Variants in TPRG1 observed in about 807,000 individuals in gnomAD.
The protein encoded by TPRG1 is tumor protein p63-regulated gene 1 protein.
In TPRG1, 29 loss-of-function variants were observed where a neutral mutation model predicts 29.3. The ratio of observed to expected loss-of-function variants is 0.99; its 90% confidence interval spans 0.74 to 1.35. TPRG1 has a LOEUF of 1.35. Among genes scored for constraint, TPRG1 ranks in the 40% most tolerant of loss-of-function variants. The probability of loss-of-function intolerance (pLI) is 0.00; values close to 1 mark genes in which losing one functional copy is unlikely to be tolerated. For synonymous variants in TPRG1, 130 were observed against 116.8 expected (o/e 1.11, Z -0.73); for missense variants, 327 against 335.0 (o/e 0.98, Z 0.19).
intron 4 of TPRG1, among the ~76,000 whole-genome samples, chr3:189,090,239 C>T (rs1347251748): frequency 6.6e-6 from 1 of 152,008 alleles, no homozygotes; most frequent in African/African-American, 2.4e-5. Context: ...ATTTTGACCA[C>T]AATTATTATT....
At chr3:189,052,985 A>G (rs1024300611) in intron 4 of TPRG1, among the ~76,000 whole-genome samples, 1 of 152,174 alleles carries the variant, frequency 6.6e-6, no homozygotes, top group Non-Finnish European at 1.5e-5. Context: ...GGTGCAGTGT[A>G]TACTGCTTGG....
chr3:189,008,428 A>G (rs1032082621), intron 3 of TPRG1, among the ~76,000 whole-genome samples: 3 of 152,184 alleles, frequency 2.0e-5, no homozygotes, highest in Non-Finnish European at 4.4e-5. Flanking sequence ...AGTGATTATT[A>G]TAGCTTTACA....
intron 2 of TPRG1, among the ~76,000 whole-genome samples, chr3:189,212,515 G>T (rs960958204): frequency 6.6e-6 from 1 of 152,028 alleles, no homozygotes; most frequent in East Asian, 1.9e-4. Flanking sequence ...TGGGCAAAAG[G>T]TTTCTTGACT....
intron 4 of TPRG1, among the ~76,000 whole-genome samples, chr3:189,263,975 C>T (rs1393176921): frequency 6.6e-6 from 1 of 152,154 alleles, no homozygotes; most frequent in Non-Finnish European, 1.5e-5. Flanking sequence ...CTTTTTAGCT[C>T]ATTAGCTCTG....
chr3:189,155,683 G>T (rs997884939), intron 5 of TPRG1, among the ~76,000 whole-genome samples: 1 of 152,212 alleles, frequency 6.6e-6, no homozygotes, highest in African/African-American at 2.4e-5. Flanking sequence ...TGTCATTTGT[G>T]ACAACATAGA....
intron 2 of TPRG1, chr3:189,004,426 C>T (rs1416645701): frequency 6.6e-6 from 1 of 152,142 alleles, no homozygotes; most frequent in Non-Finnish European, 1.5e-5. Flanking sequence ...CCCCTGTTTA[C>T]ATGATGGATA....
intron 1 of TPRG1, among the ~76,000 whole-genome samples, chr3:189,177,559 GAAATC>G (rs1225498497): frequency 4.0e-5 from 6 of 151,562 alleles, no homozygotes; most frequent in Non-Finnish European, 5.9e-5. Context: ...TCACAGCAAT[GAAATC>G]AAATGAGGTA....
chr3:189,267,669 G>A (rs1714352428), intron 4 of TPRG1: 1 of 152,220 alleles, frequency 6.6e-6, no homozygotes, highest in South Asian at 2.1e-4. Context: ...TGGGTGACTG[G>A]AAAATAGAGA....
chr3:189,245,869 G>A (rs894320710), intron 4 of TPRG1, among the ~76,000 whole-genome samples: 2 of 151,900 alleles, frequency 1.3e-5, no homozygotes, highest in African/African-American at 2.4e-5. Context: ...ATTTATGATT[G>A]GTGTCTTTCT....
At chr3:189,139,749 T>C (rs1193422188) in intron 3 of TPRG1, among the ~76,000 whole-genome samples, 1 of 151,844 alleles carries the variant, frequency 6.6e-6, no homozygotes, top group South Asian at 2.1e-4. Context: ...GGCATCTGTG[T>C]GCAGTGAACT....
At chr3:189,199,344 T>A (rs892547581) in intron 1 of TPRG1, among the ~76,000 whole-genome samples, 1 of 152,220 alleles carries the variant, frequency 6.6e-6, no homozygotes, top group Non-Finnish European at 1.5e-5. Flanking sequence ...TTCTGGACAC[T>A]GAAGAAAAAT....
chr3:189,146,908 C>T (rs1725336156), intron 3 of TPRG1, among the ~76,000 whole-genome samples: 1 of 152,166 alleles, frequency 6.6e-6, no homozygotes, highest in Non-Finnish European at 1.5e-5. Context: ...TCTGCAAATG[C>T]TAATGCTATT....
intron 3 of TPRG1, among the ~76,000 whole-genome samples, chr3:189,019,297 C>T (rs1283370613): frequency 1.3e-5 from 2 of 152,046 alleles, no homozygotes; most frequent in Admixed American, 6.6e-5. Flanking sequence ...AGAGGGCATC[C>T]CTGTCTTGTG....
chr3:189,123,840 C>G (rs1353217087), intron 1 of TPRG1: 1 of 152,160 alleles, frequency 6.6e-6, no homozygotes, highest in Non-Finnish European at 1.5e-5. Context: ...GAGTGATTCT[C>G]CCTGGGACTG....
chr3:189,154,519 G>C (rs1413280355), intron 5 of TPRG1, among the ~76,000 whole-genome samples: 3 of 151,030 alleles, frequency 2.0e-5, no homozygotes, highest in Admixed American at 2.0e-4. Context: ...TCGGCTCACT[G>C]CAACCTCCAC....
intron 5 of TPRG1, among the ~76,000 whole-genome samples, chr3:189,155,785 T>C (rs4257538): frequency 0.26 from 39,740 of 152,042 alleles, 6,263 homozygotes; most frequent in African/African-American, 0.44. Context: ...TCTGAAGATA[T>C]TGAACTCATA....
intron 4 of TPRG1, among the ~76,000 whole-genome samples, chr3:189,027,792 T>C (rs77768277): frequency 0.021 from 3,225 of 151,996 alleles, 76 homozygotes; most frequent in Non-Finnish European, 0.029. Flanking sequence ...ATTGGAAAAA[T>C]GGAAAATCAG....
At chr3:189,232,290 C>T (rs944293447) in intron 3 of TPRG1, among the ~76,000 whole-genome samples, 5 of 152,192 alleles carry the variant, frequency 3.3e-5, no homozygotes, top group African/African-American at 9.7e-5. Context: ...AATAAATACT[C>T]CTGAGTCCTT....
upstream of TPRG1, among the ~76,000 whole-genome samples, chr3:189,167,367 G>A (rs1369321603): frequency 6.6e-6 from 1 of 152,168 alleles, no homozygotes; most frequent in Non-Finnish European, 1.5e-5. Flanking sequence ...GTAAGGAAGG[G>A]CATTTCAAAG....
Sources: allele counts gnomAD v4.1 joint callset (sites outside exome capture counted in the v4.1 genomes callset), GRCh38; gene constraint gnomAD v4.1.1; transcripts MANE v1.5; gene names NCBI Gene and HGNC (gene_info 2026-07-23, HGNC 2026-07-21).